The following ROBO2 variants were observed in gnomAD, a reference collection of about 807,000 sequenced individuals.
The protein encoded by ROBO2 is roundabout homolog 2.
A neutral mutation model predicts 160.8 loss-of-function variants in ROBO2; 53 were observed. The observed-to-expected ratio is 0.33, with a 90% confidence interval of 0.26 to 0.41. ROBO2 has a LOEUF of 0.41. ROBO2 is among the 10% of genes least tolerant of loss of function. ROBO2 has a pLI of 1.00. For missense variants in ROBO2, 1,577 were observed against 1,722.4 expected (o/e 0.92, Z 1.49); for synonymous variants, 664 against 611.7 (o/e 1.09, Z -1.26).
At chr3:77,634,955 T>A in exon 24 of ROBO2, 1 of 1,614,064 alleles carries the variant, frequency 6.2e-7, no homozygotes, top group Non-Finnish European at 8.5e-7. Context: ...TGAGTCAAAG[T>A]CAGAGGCCTC....
intron 9 of ROBO2, among the ~76,000 whole-genome samples, chr3:77,559,013 G>A (rs1250243002): frequency 3.3e-5 from 5 of 151,964 alleles, no homozygotes; most frequent in African/African-American, 1.2e-4. Flanking sequence ...CATTATTCTT[G>A]GTAGCACTCA....
At chr3:77,563,409 G>A (rs1582969559) in intron 11 of ROBO2, 80 bp downstream of exon 12, 3 of 1,356,562 alleles carry the variant, frequency 2.2e-6, no homozygotes, top group East Asian at 2.3e-5. Flanking sequence ...CTATCCTGCT[G>A]TTTTATTAAA....
intron 2 of ROBO2, among the ~76,000 whole-genome samples, chr3:77,252,807 CAAAAAAAAA>C (rs1182786373): frequency 6.2e-5 from 2 of 32,044 alleles, no homozygotes; most frequent in Non-Finnish European, 1.1e-4. Context: ...GACTCCATCT[CAAAAAAAAA>C]AAAAAAAAAA....
chr3:77,352,557 T>C (rs2068503675), intron 2 of ROBO2, among the ~76,000 whole-genome samples: 1 of 147,462 alleles, frequency 6.8e-6, no homozygotes, highest in East Asian at 1.9e-4. Context: ...TGGTAAGCCA[T>C]GAAGAAATTA....
chr3:76,459,705 G>A (rs890531513), intron 2 of ROBO2, among the ~76,000 whole-genome samples: 1 of 152,082 alleles, frequency 6.6e-6, no homozygotes, highest in Admixed American at 6.6e-5. Context: ...TTTAAGAGCA[G>A]CTATAAATTG....
intron 2 of ROBO2, among the ~76,000 whole-genome samples, chr3:77,405,797 G>T (rs1333383145): frequency 6.6e-6 from 1 of 152,094 alleles, no homozygotes; most frequent in African/African-American, 2.4e-5. Flanking sequence ...TGATAGTGCA[G>T]AGGTGAGCAA....
intron 2 of ROBO2, among the ~76,000 whole-genome samples, chr3:76,502,609 G>A (rs1016841381): frequency 6.6e-6 from 1 of 152,096 alleles, no homozygotes; most frequent in African/African-American, 2.4e-5. Flanking sequence ...TACATAGCAA[G>A]TGTACGTATT....
chr3:76,697,924 G>A lies in ROBO2; in HGVS notation c.110-400090G>A, dbSNP rs530479111. On this transcript the variant is annotated intron_variant, in intron 2 of 26. Coordinates refer to the ROBO2 transcript ENST00000487694. ...TATCTTAAAAAATTTGGAAGAATTG[G>A]ATATAGAATGCCTGTAGAAGCTCCT... Among the ~76,000 whole-genome samples, 13 of 152,046 alleles carry A rather than the reference G, an allele frequency of 8.6e-5. 1 individual carries two copies. Among genetic ancestry groups the A allele is most frequent in the Non-Finnish European group, 1.3e-4 (9 of 68,008 alleles).
chr3:76,399,295 A>G (rs2077674765), intron 2 of ROBO2, among the ~76,000 whole-genome samples: 1 of 151,620 alleles, frequency 6.6e-6, no homozygotes, highest in Non-Finnish European at 1.5e-5. Context: ...GTTTTTTGTT[A>G]GTCTCTCTAA....
At position 75,934,412 on chromosome 3, in the gene ROBO2, G is replaced by A. The variant is rs569769810; in HGVS notation, c.-13-3069G>A. 1.3e-5 allele frequency among the ~76,000 whole-genome samples: 2 copies of A among 152,250 alleles called. 1 individual carries two copies. The highest frequency in any genetic ancestry group is 4.8e-5 in the African/African-American group (2 of 41,538). Reference sequence around the variant, plus strand: ...CAAAAGAAGATTAGAGAAGTCCATGGCATGTCTTTATGGTTAATGTTACTT... The same window carrying A: ...CAAAAGAAGATTAGAGAAGTCCATGACATGTCTTTATGGTTAATGTTACTT... On this transcript the variant is annotated intron_variant, in intron 1 of 26. Coordinates refer to the ROBO2 transcript ENST00000487694.
In ROBO2 at chr3:76,716,158, T is replaced by C. The variant is rs141477100; in HGVS notation, c.110-381856T>C. Among the ~76,000 whole-genome samples the C allele has an allele frequency of 3.0e-3, 458 of 152,338 alleles. 1 individual carries two copies. Among genetic ancestry groups the C allele is most frequent in the Non-Finnish European group, 3.6e-3 (242 of 68,032 alleles). ...TGCATATGATAGATGACCATAAATA[T>C]ATGCAGTTGATTTATTTTATTGGCA... On this transcript the variant is annotated intron_variant, in intron 2 of 26. Transcript: ENST00000487694.
intron 2 of ROBO2, among the ~76,000 whole-genome samples, chr3:76,899,646 T>G (rs928117788): frequency 1.3e-5 from 2 of 150,390 alleles, no homozygotes; most frequent in Non-Finnish European, 2.9e-5. Context: ...TAATCAAACA[T>G]TTATTGAATA....
At chr3:76,049,842 A>G (rs2067595254) in intron 2 of ROBO2, among the ~76,000 whole-genome samples, 1 of 152,134 alleles carries the variant, frequency 6.6e-6, no homozygotes, top group Non-Finnish European at 1.5e-5. Context: ...TCTGGAAATC[A>G]GGTCAGTTGG....
chr3:77,346,513 TA>T (rs1266533360), intron 2 of ROBO2, among the ~76,000 whole-genome samples: 1 of 152,192 alleles, frequency 6.6e-6, no homozygotes. Flanking sequence ...CTTAGTGGCT[TA>T]AAACCACACT....
intron 2 of ROBO2, among the ~76,000 whole-genome samples, chr3:76,626,109 A>C: frequency 6.6e-6 from 1 of 152,244 alleles, no homozygotes; most frequent in Middle Eastern, 3.2e-3. Context: ...GAAGACTTTA[A>C]GAATAAGATA....
chr3:77,046,338 A>G (rs1162665602), intron 1 of ROBO2, among the ~76,000 whole-genome samples: 2 of 152,180 alleles, frequency 1.3e-5, no homozygotes, highest in Non-Finnish European at 2.9e-5. Context: ...TCAAATCCCC[A>G]ATAGTCCTGA....
chr3:76,824,561 C>A (rs918392215), intron 2 of ROBO2, among the ~76,000 whole-genome samples: 4 of 152,140 alleles, frequency 2.6e-5, no homozygotes, highest in Non-Finnish European at 5.9e-5. Flanking sequence ...TAAAATGTCT[C>A]ATTACCTCTC....
chr3:76,004,535 A>G (rs1476265501), intron 2 of ROBO2, among the ~76,000 whole-genome samples: 6 of 152,180 alleles, frequency 3.9e-5, no homozygotes, highest in Admixed American at 3.9e-4. Context: ...TGACAGATTC[A>G]GTGCCTGGTA....
intron 2 of ROBO2, among the ~76,000 whole-genome samples, chr3:76,022,623 T>C (rs939662799): frequency 9.2e-5 from 14 of 151,866 alleles, no homozygotes; most frequent in South Asian, 4.1e-4. Flanking sequence ...AGGACTCTTT[T>C]TTCTGAGCAG....
Sources: gnomAD v4.1 joint callset for allele counts (sites outside exome capture counted in the v4.1 genomes callset) on GRCh38, gnomAD v4.1.1 for gene constraint, MANE v1.5 for transcripts, NCBI Gene and HGNC (gene_info 2026-07-23, HGNC 2026-07-21) for gene names.